Variants in AHI1 observed in about 807,000 individuals in gnomAD.
AHI1 encodes jouberin.
Under a neutral mutation model 149.3 loss-of-function variants are expected in AHI1, and 123 were observed. The ratio of observed to expected loss-of-function variants is 0.82; its 90% confidence interval spans 0.71 to 0.96. AHI1 has a LOEUF of 0.96. Among genes scored for constraint, AHI1 ranks in the 40% least tolerant of loss-of-function variants. The pLI is 0.00. For synonymous variants in AHI1, 475 were observed against 459.8 expected (o/e 1.03, Z -0.42); for missense variants, 1,439 against 1,422.7 (o/e 1.01, Z -0.18).
intron 23 of AHI1, among the ~76,000 whole-genome samples, chr6:135,383,501 A>G (rs1777167539): frequency 6.6e-6 from 1 of 151,988 alleles, no homozygotes; most frequent in Non-Finnish European, 1.5e-5. Flanking sequence ...TTACATTGGT[A>G]TGGTATAGAG....
At chr6:135,420,575 C>A (rs962893656) in intron 20 of AHI1, among the ~76,000 whole-genome samples, 1 of 152,124 alleles carries the variant, frequency 6.6e-6, no homozygotes, top group African/African-American at 2.4e-5. Flanking sequence ...GTTATGGAGA[C>A]GGTTACCTTC....
intron 23 of AHI1, among the ~76,000 whole-genome samples, chr6:135,389,246 G>A (rs1375522559): frequency 1.3e-5 from 2 of 150,234 alleles, no homozygotes; most frequent in East Asian, 3.9e-4. Context: ...GGGAGGCAGA[G>A]CTTGCAGTGA....
At chr6:135,301,155 TG>T in intron 26 of AHI1, 3 of 984,220 alleles carry the variant, frequency 3.0e-6, no homozygotes, top group Non-Finnish European at 3.6e-6. Context: ...TAAAGTATAC[TG>T]TGGGAAATTG....
chr6:135,401,425 G>C (rs1583043188), intron 22 of AHI1, among the ~76,000 whole-genome samples: 1 of 152,124 alleles, frequency 6.6e-6, no homozygotes, highest in Non-Finnish European at 1.5e-5. Flanking sequence ...GAAAAAACAA[G>C]CGAGCCTTCA....
chr6:135,491,012 T>C (rs1201239286), intron 4 of AHI1, among the ~76,000 whole-genome samples: 1 of 152,206 alleles, frequency 6.6e-6, no homozygotes, highest in African/African-American at 2.4e-5. Flanking sequence ...TGATAAACAG[T>C]AGCATCTACC....
At position 135,455,871 on chromosome 6, in the gene AHI1, T is replaced by G; in HGVS notation, c.1207A>C (p.Ile403Leu). 1 of 1,586,146 alleles carries G rather than the reference T, an allele frequency of 6.3e-7. No homozygotes were observed. The highest frequency in any genetic ancestry group is 8.6e-7 in the Non-Finnish European group (1 of 1,162,248). ...TTAAAATCATATGGCTGGGTCATAA[T>G]AGGAAGAATATAATCCACATTCTCT... Reference protein sequence around the residue: ...EKENVDYILPIMTQPYDFKQL... With the variant: ...EKENVDYILPLMTQPYDFKQL... The change falls in exon 10 of 29, where the codon ATT (isoleucine) becomes CTT (leucine). Residue 403 changes from isoleucine (I) to leucine (L), a missense_variant. By Grantham distance (5) the Ile-to-Leu change is conservative. Coordinates refer to ENST00000265602, the MANE Select transcript of AHI1 (RefSeq NM_001134831.2).
At chr6:135,494,680 T>C (rs750519186) in intron 3 of AHI1, among the ~76,000 whole-genome samples, 3 of 152,168 alleles carry the variant, frequency 2.0e-5, no homozygotes, top group Non-Finnish European at 2.9e-5. Context: ...TGTTAGGCAA[T>C]CTACTAATCC....
Position 135,318,557 on chromosome 6 carries a change from C to A in AHI1, c.3388G>T (p.Glu1130Ter). The A allele has an allele frequency of 6.2e-7, 1 of 1,603,692 alleles. No homozygotes were observed. The change falls in exon 26 of 29, where the codon GAA becomes TAA. Residue 1130 changes from glutamate to a stop codon, truncating the protein, a stop_gained. Coordinates refer to ENST00000265602, the MANE Select transcript of AHI1 (RefSeq NM_001134831.2). LOFTEE classifies it high-confidence loss of function. ...GGAGATTTTTCTATTTTAGTTTTTT[C>A]CTCAGGGCTTAAAGGAGGGGATCGC... ...KERSPPLSPEEKTKIEKSPAP... is the reference protein window; with the variant it reads ...KERSPPLSPE
chr6:135,330,320 G>T (rs553001599), intron 24 of AHI1, among the ~76,000 whole-genome samples: 4 of 152,148 alleles, frequency 2.6e-5, no homozygotes, highest in African/African-American at 9.7e-5. Flanking sequence ...ACAACCTTCA[G>T]CAACTATCAG....
intron 28 of AHI1, chr6:135,286,636 A>C (rs1372935958): frequency 6.6e-6 from 1 of 152,228 alleles, no homozygotes; most frequent in Non-Finnish European, 1.5e-5. Flanking sequence ...TGCTTTAAGG[A>C]ACAGGCCCAA....
intron 25 of AHI1, among the ~76,000 whole-genome samples, chr6:135,319,233 T>C (rs1049771290): frequency 6.6e-6 from 1 of 152,140 alleles, no homozygotes; most frequent in African/African-American, 2.4e-5. Flanking sequence ...GCCAACACTT[T>C]GGGAGGCCGA....
chr6:135,486,533 A>G (rs1222676311), intron 5 of AHI1, among the ~76,000 whole-genome samples: 1 of 152,186 alleles, frequency 6.6e-6, no homozygotes, highest in Non-Finnish European at 1.5e-5. Flanking sequence ...GGGGGGAACT[A>G]TCTGGCTGAG....
intron 13 of AHI1, among the ~76,000 whole-genome samples, chr6:135,445,548 C>CA (rs755693479): frequency 1.3e-4 from 20 of 152,060 alleles, no homozygotes; most frequent in East Asian, 5.8e-4. Flanking sequence ...TTACAGACAT[C>CA]AAAAAATTTT....
chr6:135,410,237 GTGT>G (rs1781391262), intron 21 of AHI1, among the ~76,000 whole-genome samples: 1 of 152,118 alleles, frequency 6.6e-6, no homozygotes, highest in South Asian at 2.1e-4. Flanking sequence ...AGGCCTGGTG[GTGT>G]GTGCCTACAG....
chr6:135,366,817 C>CTGGGTT (rs1774257676), intron 23 of AHI1, among the ~76,000 whole-genome samples: 1 of 151,876 alleles, frequency 6.6e-6, no homozygotes, highest in African/African-American at 2.4e-5. Context: ...TTCTCTTCTG[C>CTGGGTT]TGGGTTTGGG....
At chr6:135,437,830 TAA>T (rs1218962416) in intron 15 of AHI1, among the ~76,000 whole-genome samples, 1 of 152,230 alleles carries the variant, frequency 6.6e-6, no homozygotes, top group East Asian at 1.9e-4. Context: ...ATGAAACTTT[TAA>T]AGTTAGCTTT....
intron 24 of AHI1, among the ~76,000 whole-genome samples, chr6:135,340,956 A>G (rs1790279765): frequency 6.6e-6 from 1 of 151,378 alleles, no homozygotes; most frequent in African/African-American, 2.4e-5. Flanking sequence ...AACTCAAGAA[A>G]ATATACTAAA....
At chr6:135,371,159 A>G (rs1258640264) in intron 23 of AHI1, among the ~76,000 whole-genome samples, 1 of 152,198 alleles carries the variant, frequency 6.6e-6, no homozygotes. Flanking sequence ...AGTGTAAGAA[A>G]ACACCTAATT....
chr6:135,477,767 C>T (rs1461475498), intron 5 of AHI1, among the ~76,000 whole-genome samples: 1 of 152,102 alleles, frequency 6.6e-6, no homozygotes, highest in African/African-American at 2.4e-5. Flanking sequence ...AGCTATGCCT[C>T]CTGTATAGCC....
Sources: gnomAD v4.1 joint callset for allele counts (sites outside exome capture counted in the v4.1 genomes callset) on GRCh38, gnomAD v4.1.1 for gene constraint, MANE v1.5 for transcripts, NCBI Gene and HGNC (gene_info 2026-07-23, HGNC 2026-07-21) for gene names.